Variants in CCDC57 observed in about 807,000 individuals in gnomAD.
CCDC57 encodes the protein coiled-coil domain containing 57.
In CCDC57, 118 loss-of-function variants were observed where a neutral mutation model predicts 118.9. The observed-to-expected ratio is 0.99, with a 90% CI of 0.86 to 1.16. CCDC57 has a LOEUF of 1.16. CCDC57 is among the 50% of genes most tolerant of loss of function. The pLI is 0.00. For missense variants in CCDC57, 1,300 were observed against 1,320.7 expected (o/e 0.98, Z 0.24); for synonymous variants, 527 against 532.9 (o/e 0.99, Z 0.15).
chr17:82,116,057 A>G (rs959018490), intron 19 of CCDC57, among the ~76,000 whole-genome samples: 2 of 149,276 alleles, frequency 1.3e-5, no homozygotes, highest in Non-Finnish European at 3.0e-5. Flanking sequence ...TCAGCCTCCC[A>G]AAGTGCTGGG....
exon 20 of CCDC57, chr17:82,101,694 G>A (rs1235003610): frequency 1.2e-6 from 2 of 1,606,446 alleles, no homozygotes; most frequent in Non-Finnish European, 1.7e-6. Context: ...AGTCCATAAT[G>A]TTGTAGTTAC....
At chr17:82,205,011 G>A (rs576796438) in intron 2 of CCDC57, among the ~76,000 whole-genome samples, 38 of 152,332 alleles carry the variant, frequency 2.5e-4, no homozygotes, top group Admixed American at 7.2e-4. Context: ...TTGGCACAAC[G>A]CCATCACCCC....
At chr17:82,136,592 A>AG (rs1169927154) in intron 16 of CCDC57, among the ~76,000 whole-genome samples, 1 of 126,128 alleles carries the variant, frequency 7.9e-6, no homozygotes, top group South Asian at 2.9e-4. Flanking sequence ...AAAAAAAAAA[A>AG]AAAAAAAGAA....
intron 16 of CCDC57, among the ~76,000 whole-genome samples, chr17:82,140,539 C>A (rs545115741): frequency 1.3e-5 from 2 of 152,180 alleles, no homozygotes; most frequent in African/African-American, 4.8e-5. Flanking sequence ...CTTACTCTCC[C>A]GGCCTGAGTC....
rs543618459 is a variant in CCDC57 at position 82,108,551 on chromosome 17, T to C, written c.2900-6685A>G. ...AAAGGGAAATACACAGGGTAGTGCA[T>C]GTGACGGTGTCCAAGACGCACAGCA... On this transcript the variant is annotated intron_variant, in intron 19 of 19. Transcript: ENST00000665763. Among the ~76,000 whole-genome samples the C allele has an allele frequency of 4.6e-5, 7 of 152,304 alleles. No homozygotes were observed. The South Asian group carries it at 1.0e-3, about 23-fold the overall frequency.
At chr17:82,181,892 T>C (rs1038547538) in intron 9 of CCDC57, among the ~76,000 whole-genome samples, 8 of 152,016 alleles carry the variant, frequency 5.3e-5, no homozygotes, top group Non-Finnish European at 8.8e-5. Flanking sequence ...CCAAGGCAGG[T>C]GGATCACCTG....
intron 14 of CCDC57, among the ~76,000 whole-genome samples, chr17:82,161,622 C>T (rs1303663604): frequency 1.3e-5 from 2 of 152,180 alleles, no homozygotes; most frequent in Admixed American, 1.3e-4. Context: ...ACATTCTACT[C>T]AATGAAAGAA....
chr17:82,197,498 T>C (rs1201219437), intron 4 of CCDC57, among the ~76,000 whole-genome samples: 2 of 152,284 alleles, frequency 1.3e-5, no homozygotes, highest in Non-Finnish European at 1.5e-5. Flanking sequence ...GAAGCATCTG[T>C]TTTTAAACTT....
intron 16 of CCDC57, among the ~76,000 whole-genome samples, chr17:82,145,572 GT>G (rs1313098952): frequency 6.6e-6 from 1 of 151,978 alleles, no homozygotes; most frequent in African/African-American, 2.4e-5. Flanking sequence ...TCATAAAGAA[GT>G]TTACTAGAAA....
chr17:82,177,203 T>C (rs7225423), intron 11 of CCDC57, among the ~76,000 whole-genome samples: 109,452 of 151,818 alleles, frequency 0.72, 39,991 homozygotes, highest in East Asian at 0.95. Context: ...GCAGAAACCC[T>C]GTCTCTACTA....
Position 82,198,843 on chromosome 17 carries a change from A to T in CCDC57, c.408-421T>A, listed in dbSNP as rs183357684. Among the ~76,000 whole-genome samples the T allele has an allele frequency of 4.6e-3, 698 of 151,978 alleles. 6 individuals are homozygous for T. The highest frequency in any genetic ancestry group is 0.016 in the African/African-American group (665 of 41,468). On this transcript the variant is annotated intron_variant, in intron 3 of 19. Coordinates refer to ENST00000665763, the Ensembl canonical transcript of CCDC57. The stretch of plus-strand genomic sequence containing the variant: ...GTCTCTACAAAAAAATACAAAAAAA[A>T]TTAGCCGGGCGTGGTGGCGGGCGCC...
chr17:82,141,097 G>A (rs1193449239), intron 16 of CCDC57, among the ~76,000 whole-genome samples: 2 of 151,568 alleles, frequency 1.3e-5, no homozygotes, highest in Admixed American at 6.6e-5. Flanking sequence ...TGCAACCTCC[G>A]CCTCCCAGGT....
intron 19 of CCDC57, among the ~76,000 whole-genome samples, chr17:82,106,931 A>G (rs930619706): frequency 6.6e-6 from 1 of 152,118 alleles, no homozygotes; most frequent in African/African-American, 2.4e-5. Flanking sequence ...CTAGCATCTC[A>G]GGGCCATAGA....
At chr17:82,148,053 G>A (rs2041083131) in intron 16 of CCDC57, among the ~76,000 whole-genome samples, 1 of 131,848 alleles carries the variant, frequency 7.6e-6, no homozygotes, top group African/African-American at 2.8e-5. Flanking sequence ...TGGGTGGGTG[G>A]GTGGATGGAT....
At chr17:82,180,619 G>A (rs1395390061) in intron 9 of CCDC57, among the ~76,000 whole-genome samples, 12 of 152,124 alleles carry the variant, frequency 7.9e-5, no homozygotes, top group Non-Finnish European at 1.2e-4. Context: ...GGGACTACAG[G>A]TGCATACCAC....
intron 1 of CCDC57, among the ~76,000 whole-genome samples, chr17:82,210,773 C>A (rs1038948153): frequency 2.6e-5 from 4 of 150,954 alleles, no homozygotes; most frequent in Non-Finnish European, 5.9e-5. Context: ...GGTGGTGGAT[C>A]ACCTGAGGTC....
At chr17:82,210,699 TA>T (rs749668557) in intron 1 of CCDC57, among the ~76,000 whole-genome samples, 1,633 of 90,410 alleles carry the variant, frequency 0.018, 24 homozygotes, top group African/African-American at 0.057. Context: ...TAAAATTAAT[TA>T]AAAAAAAAAA....
At chr17:82,195,818 A>G (rs950902017) in intron 4 of CCDC57, among the ~76,000 whole-genome samples, 7 of 152,208 alleles carry the variant, frequency 4.6e-5, no homozygotes, top group African/African-American at 1.7e-4. Context: ...CCCGACAGCC[A>G]GTGCCAGCAT....
chr17:82,204,198 C>T (rs1004965743), intron 2 of CCDC57, among the ~76,000 whole-genome samples: 1 of 152,184 alleles, frequency 6.6e-6, no homozygotes, highest in Non-Finnish European at 1.5e-5. Context: ...AGGACCATCA[C>T]GCCACCTGGA....
Sources: gnomAD v4.1 joint callset for allele counts (sites outside exome capture counted in the v4.1 genomes callset) on GRCh38, gnomAD v4.1.1 for gene constraint, MANE v1.5 for transcripts, NCBI Gene and HGNC (gene_info 2026-07-23, HGNC 2026-07-21) for gene names.